LONRF1: variants seen among roughly 807,000 people sequenced by gnomAD.
LONRF1 encodes LON peptidase N-terminal domain and ring finger 1.
LONRF1 carries 37 observed loss-of-function variants against 85.8 expected under a neutral mutation model. The ratio of observed to expected loss-of-function variants is 0.43; its 90% confidence interval spans 0.33 to 0.57. The LOEUF (loss-of-function observed/expected upper bound fraction) is 0.57, where lower values mean the gene tolerates loss of function less well. Ranked by LOEUF, LONRF1 falls within the 20% of genes least tolerant of loss-of-function variation. The pLI, the probability that LONRF1 is intolerant of heterozygous loss-of-function variation, is 0.04. For missense variants in LONRF1, 1,036 were observed against 978.0 expected (o/e 1.06, Z -0.79); for synonymous variants, 517 against 390.1 (o/e 1.33, Z -3.83).
intron 8 of LONRF1, among the ~76,000 whole-genome samples, chr8:12,729,713 T>C (rs896369852): frequency 6.6e-6 from 1 of 152,156 alleles, no homozygotes; most frequent in East Asian, 1.9e-4. Context: ...TCCCAAACAC[T>C]CATAGTTACT....
chr8:12,740,215 T>C (rs945612086), intron 3 of LONRF1, among the ~76,000 whole-genome samples: 3 of 152,204 alleles, frequency 2.0e-5, no homozygotes, highest in African/African-American at 7.2e-5. Context: ...ATAGATTTTC[T>C]CAAAGAATTT....
In LONRF1 at chr8:12,722,786, A is replaced by ACG; in HGVS notation, c.*309_*310insCG. ...AACCCCCACAAGCACACACGCACGC[A>ACG]CACACACACACACACTCTCTCACAG... On this transcript the variant is annotated 3_prime_UTR_variant, in exon 12 of 12. Coordinates refer to ENST00000398246, the MANE Select transcript of LONRF1 (RefSeq NM_152271.5). The ACG allele has an allele frequency of 5.9e-6, 1 of 169,550 alleles. No homozygotes were observed. Among genetic ancestry groups the ACG allele is most frequent in the Non-Finnish European group, 1.3e-5 (1 of 79,362 alleles). 10.5% of individuals were successfully genotyped at this position (169,550 alleles called of 1,614,324 possible). A position where few individuals can be genotyped will look rare whatever the true frequency, so the allele number is the denominator to read the frequency against.
chr8:12,750,574 A>C (rs1440328583), intron 1 of LONRF1, among the ~76,000 whole-genome samples: 1 of 152,244 alleles, frequency 6.6e-6, no homozygotes, highest in Non-Finnish European at 1.5e-5. Flanking sequence ...AACCACAAAT[A>C]AGGGGAAACT....
At chr8:12,738,510 C>A (rs1277623384) in intron 3 of LONRF1, 2 of 154,640 alleles carry the variant, frequency 1.3e-5, no homozygotes, top group East Asian at 3.8e-4. Flanking sequence ...TCATGGTTCA[C>A]CTCAATGTAT....
intron 3 of LONRF1, 122 bp from the exon 4 acceptor site, chr8:12,738,266 G>A: frequency 1.5e-6 from 1 of 656,650 alleles, no homozygotes; most frequent in Non-Finnish European, 2.4e-6. Context: ...TTAATGAGCA[G>A]GAGGGGAACA....
chr8:12,724,825 T>C (rs1346045806), intron 11 of LONRF1, among the ~76,000 whole-genome samples: 1 of 152,222 alleles, frequency 6.6e-6, no homozygotes, highest in Non-Finnish European at 1.5e-5. Context: ...ACAGAATGAA[T>C]ACTAAATTTG....
At chr8:12,733,814 T>C (rs1019480936) in intron 7 of LONRF1, among the ~76,000 whole-genome samples, 1 of 152,096 alleles carries the variant, frequency 6.6e-6, no homozygotes, top group Non-Finnish European at 1.5e-5. Context: ...GTAGGAAAAA[T>C]GTAAAACTGA....
In LONRF1 at chr8:12,723,051, T is replaced by C. The variant is rs1218588101; in HGVS notation, c.*45A>G. On this transcript the variant is annotated 3_prime_UTR_variant, in exon 12 of 12. Coordinates refer to ENST00000398246, the MANE Select transcript of LONRF1 (RefSeq NM_152271.5). ...AGGCAGCAGACAATCTGGCCATCAATGCAGCCAGATTAGGGTCACTTTAAA... is the reference window on the plus strand; with the variant it reads ...AGGCAGCAGACAATCTGGCCATCAACGCAGCCAGATTAGGGTCACTTTAAA... 13 of 1,502,338 alleles carry C rather than the reference T, an allele frequency of 8.7e-6. No homozygotes were observed. Among genetic ancestry groups the C allele is most frequent in the Non-Finnish European group, 1.2e-5 (13 of 1,116,060 alleles). The allele number at this position is 1,502,338 out of a possible 1,614,324, so 93.1% of individuals were successfully genotyped here. A position where few individuals can be genotyped will look rare whatever the true frequency, so the allele number is the denominator to read the frequency against.
intron 10 of LONRF1, among the ~76,000 whole-genome samples, chr8:12,726,162 G>C (rs1798290531): frequency 6.6e-6 from 1 of 152,218 alleles, no homozygotes; most frequent in South Asian, 2.1e-4. Context: ...GGAAGAGTAA[G>C]ATTGAGAGTG....
intron 7 of LONRF1, 134 bp downstream of exon 7, chr8:12,735,150 AAC>A: frequency 3.2e-6 from 2 of 622,688 alleles, no homozygotes; most frequent in South Asian, 4.4e-5. Context: ...TGGGTAATAA[AAC>A]ATTATCCTTG....
rs1799296055 is a variant in LONRF1 at position 12,749,547 on chromosome 8, T to G, written c.721+5153A>C. ...ATATTCCAACAAACAGAAAAATGATTCTGAATAAACAAAAAGTTAATATAT... is the reference window on the plus strand; with the variant it reads ...ATATTCCAACAAACAGAAAAATGATGCTGAATAAACAAAAAGTTAATATAT... On this transcript the variant is annotated intron_variant, in intron 1 of 11. Transcript: ENST00000398246. Among the ~76,000 whole-genome samples, 3 of 152,210 alleles carry G rather than the reference T, an allele frequency of 2.0e-5. No homozygotes were observed. In the East Asian group the frequency reaches 5.8e-4, roughly 29 times the overall value.
At chr8:12,739,703 T>C (rs544936141) in intron 3 of LONRF1, among the ~76,000 whole-genome samples, 74 of 152,334 alleles carry the variant, frequency 4.9e-4, no homozygotes, top group African/African-American at 1.8e-3. Context: ...TACCTGATCC[T>C]ATTAACCAGC....
At chr8:12,742,341 G>C (rs375422607) in intron 2 of LONRF1, among the ~76,000 whole-genome samples, 1 of 152,158 alleles carries the variant, frequency 6.6e-6, no homozygotes, top group African/African-American at 2.4e-5. Context: ...AACACATTTG[G>C]ACTAATTTGC....
chr8:12,743,583 G>C (rs1289472272), intron 1 of LONRF1, among the ~76,000 whole-genome samples: 7 of 151,860 alleles, frequency 4.6e-5, no homozygotes, highest in African/African-American at 1.7e-4. Flanking sequence ...TTTTAACAAA[G>C]GGTAGTCTAT....
intron 2 of LONRF1, among the ~76,000 whole-genome samples, chr8:12,741,959 G>A (rs1012419076): frequency 1.3e-5 from 2 of 152,134 alleles, no homozygotes; most frequent in Non-Finnish European, 2.9e-5. Context: ...AGCTTTAAAT[G>A]TTCCTTGCTT....
At chr8:12,729,672 A>G (rs1198960460) in intron 8 of LONRF1, among the ~76,000 whole-genome samples, 2 of 152,166 alleles carry the variant, frequency 1.3e-5, no homozygotes, top group Admixed American at 1.3e-4. Context: ...TCTGTTTTAA[A>G]TATTTATAAC....
At chr8:12,737,223 T>C in intron 4 of LONRF1, 83 bp from the exon 5 acceptor site, 2 of 1,438,528 alleles carry the variant, frequency 1.4e-6, no homozygotes, top group Middle Eastern at 1.8e-4. Flanking sequence ...TGAAATGAAA[T>C]TTCAATGCCT....
chr8:12,753,859 G>C (rs1039014901), intron 1 of LONRF1: 2 of 152,314 alleles, frequency 1.3e-5, no homozygotes, highest in African/African-American at 4.8e-5. Flanking sequence ...AAGTGGAAAG[G>C]CCAGGAGAAG....
At position 12,725,806 on chromosome 8, in the gene LONRF1, A is replaced by G; in HGVS notation, c.2084T>C (p.Phe695Ser). 1 of 1,613,846 alleles carries G rather than the reference A, an allele frequency of 6.2e-7. No individual in the cohort carries two copies. Among genetic ancestry groups the G allele is most frequent in the South Asian group, 1.1e-5 (1 of 91,062 alleles). ...DLVYSQACSW[F>S]QNLRDRFRSQ... ...TCGAAATCTGTCTCTTAAATTCTGA[A>G]ACCAGCTGCAGGCTTGAGAGTAAAC... The change falls in exon 11 of 12, where the codon TTT becomes TCT. Residue 695 changes from phenylalanine to serine, a missense_variant. This residue lies in a region of LONRF1 where 265 missense variants were observed against 301.5 expected (regional missense o/e 0.88). Coordinates refer to ENST00000398246, the MANE Select transcript of LONRF1 (RefSeq NM_152271.5).
Sources: gnomAD v4.1 joint callset for allele counts (sites outside exome capture counted in the v4.1 genomes callset) on GRCh38, gnomAD v4.1.1 for gene constraint, gnomAD v4.1.1 regional missense constraint, MANE v1.5 for transcripts, NCBI Gene and HGNC (gene_info 2026-07-23, HGNC 2026-07-21) for gene names.